The following KCNMA1 variants were observed in gnomAD, a reference collection of about 807,000 sequenced individuals.
KCNMA1 encodes potassium calcium-activated channel subfamily M alpha 1, also known as Calcium-activated potassium channel subunit alpha-1.
Under a neutral mutation model 140.0 loss-of-function variants are expected in KCNMA1, and 29 were observed. The ratio of observed to expected loss-of-function variants is 0.21; its 90% CI spans 0.15 to 0.28. The LOEUF (loss-of-function observed/expected upper bound fraction) is 0.28. Among genes scored for constraint, KCNMA1 ranks in the 10% least tolerant of loss-of-function variants. The pLI is 1.00. For missense variants in KCNMA1, 880 were observed against 1,602.2 expected (o/e 0.55, Z 7.70); for synonymous variants, 612 against 611.9 (o/e 1.00, Z 0.00).
chr10:77,097,758 T>C lies in KCNMA1; in HGVS notation c.1224-7248A>G, dbSNP rs139821722. On this transcript the variant is annotated intron_variant, in intron 9 of 27. Transcript: ENST00000286628. ...AGATAATTTCCTATCCATGGACACATCTAGTACTTTGCTAATCACAAAGGA... is the reference window on the plus strand; with the variant it reads ...AGATAATTTCCTATCCATGGACACACCTAGTACTTTGCTAATCACAAAGGA... 3.9e-5 allele frequency among the ~76,000 whole-genome samples: 6 copies of C among 152,288 alleles called. No homozygotes were observed. In the East Asian group the frequency reaches 1.2e-3, roughly 29 times the overall value.
At position 77,108,155 on chromosome 10, in the gene KCNMA1, C is replaced by T; in HGVS notation, c.1223+326G>A. 3 of 703,078 alleles carry T rather than the reference C, an allele frequency of 4.3e-6. 1 individual carries two copies. The highest frequency in any genetic ancestry group is 6.9e-6 in the Non-Finnish European group (3 of 432,898). 43.6% of individuals were successfully genotyped at this position (703,078 alleles called of 1,614,324 possible). A position where few individuals can be genotyped will look rare whatever the true frequency, so the allele number is the denominator to read the frequency against. ...CCTCGGGTCACCTCTGACATCACAC[C>T]CCATGCAGAAACTGGGCCTTCCCTC... On this transcript the variant is annotated intron_variant, in intron 9 of 27. Transcript: ENST00000286628. This position sits in a 1 kb window ranked among gnomAD's most constrained non-coding sequence, Gnocchi z 4.6.
At chr10:77,468,002 T>C (rs911181648) in intron 1 of KCNMA1, among the ~76,000 whole-genome samples, 11 of 152,318 alleles carry the variant, frequency 7.2e-5, no homozygotes, top group African/African-American at 2.6e-4. Flanking sequence ...TTTATTTTTA[T>C]TTTTATTTAT....
At chr10:77,041,161 T>TCACCATGTTGGCCAGACTGATCTCAAAC (rs1565721651) in intron 14 of KCNMA1, among the ~76,000 whole-genome samples, 40 of 2,950 alleles carry the variant, frequency 0.014, 15 homozygotes, top group Admixed American at 0.025. Flanking sequence ...CTTTTTTTTT[T>TCACCATGTTGGCCAGACTGATCTCAAAC]TTTTTTTTTT....
chr10:76,980,884 G>A (rs546043514), intron 19 of KCNMA1, among the ~76,000 whole-genome samples: 1 of 152,300 alleles, frequency 6.6e-6, no homozygotes, highest in East Asian at 1.9e-4. Context: ...AGGTCTTAAA[G>A]CCACATTGTT....
Position 77,039,644 on chromosome 10 carries a change from G to A in KCNMA1, c.1750-7C>T. On this transcript the variant is annotated splice_region_variant and splice_polypyrimidine_tract_variant and intron_variant, in intron 14 of 27. Coordinates refer to ENST00000286628, the MANE Select transcript of KCNMA1 (RefSeq NM_001161352.2). ...GCCATGTGTCTTCCTCAATCTAAAG[G>A]AAAGGAACACATGCGGAGAGTTTAA... is the stretch of plus-strand genomic sequence containing the variant. The A allele has an allele frequency of 6.5e-7, 1 of 1,539,226 alleles. No individual in the cohort carries two copies. Among genetic ancestry groups the A allele is most frequent in the Non-Finnish European group, 9.0e-7 (1 of 1,111,602 alleles).
chr10:77,393,117 C>A (rs1245445580), intron 2 of KCNMA1, among the ~76,000 whole-genome samples: 1 of 152,194 alleles, frequency 6.6e-6, no homozygotes, highest in East Asian at 1.9e-4. Flanking sequence ...GAGGACGCAG[C>A]CTGGACAAGC....
intron 5 of KCNMA1, among the ~76,000 whole-genome samples, chr10:77,151,635 T>C (rs1451857950): frequency 3.9e-5 from 6 of 152,186 alleles, no homozygotes; most frequent in Non-Finnish European, 8.8e-5. Flanking sequence ...GACTCTGGCC[T>C]CCCAGCTGGG....
At chr10:77,072,566 G>T (rs1423817488) in intron 14 of KCNMA1, among the ~76,000 whole-genome samples, 2 of 152,110 alleles carry the variant, frequency 1.3e-5, no homozygotes, top group Non-Finnish European at 2.9e-5. Flanking sequence ...TGCTGCCGAG[G>T]ACTCAGTACA....
At chr10:77,571,733 C>G (rs1466474199) in intron 1 of KCNMA1, among the ~76,000 whole-genome samples, 1 of 152,186 alleles carries the variant, frequency 6.6e-6, no homozygotes, top group Non-Finnish European at 1.5e-5. Context: ...GCTTTCAATC[C>G]TGGCTTAAAG....
chr10:76,918,396 T>A (rs962342861), intron 23 of KCNMA1, among the ~76,000 whole-genome samples: 1 of 152,214 alleles, frequency 6.6e-6, no homozygotes, highest in Non-Finnish European at 1.5e-5. Context: ...GGCTCCTGAT[T>A]CTTTAGCCAT....
chr10:77,094,700 A>G (rs1185492904), intron 9 of KCNMA1, among the ~76,000 whole-genome samples: 2 of 152,004 alleles, frequency 1.3e-5, no homozygotes, highest in Non-Finnish European at 2.9e-5. Flanking sequence ...ATTTTATATT[A>G]TATTTTATTT....
chr10:77,558,913 T>C (rs1461908853), intron 1 of KCNMA1, among the ~76,000 whole-genome samples: 1 of 152,232 alleles, frequency 6.6e-6, no homozygotes, highest in Non-Finnish European at 1.5e-5. Flanking sequence ...TGAGTCTTTC[T>C]TTAAAGTGGT....
intron 15 of KCNMA1, among the ~76,000 whole-genome samples, chr10:77,031,341 G>A (rs2093924818): frequency 6.6e-6 from 1 of 152,240 alleles, no homozygotes; most frequent in African/African-American, 2.4e-5. Flanking sequence ...CTAAAAGGGA[G>A]TGCAGCTGTG....
chr10:77,529,768 G>T (rs186649872), intron 1 of KCNMA1, among the ~76,000 whole-genome samples: 1 of 152,032 alleles, frequency 6.6e-6, no homozygotes, highest in Non-Finnish European at 1.5e-5. Context: ...AGAGTGACCA[G>T]GCCAACCAAG....
At chr10:77,301,938 C>A (rs1323752893) in intron 2 of KCNMA1, among the ~76,000 whole-genome samples, 1 of 151,454 alleles carries the variant, frequency 6.6e-6, no homozygotes, top group Non-Finnish European at 1.5e-5. Context: ...CCAACTAAAG[C>A]CAGGTGGAGT....
At chr10:77,124,090 T>C (rs1235839824) in intron 5 of KCNMA1, among the ~76,000 whole-genome samples, 1 of 152,214 alleles carries the variant, frequency 6.6e-6, no homozygotes, top group Non-Finnish European at 1.5e-5. Flanking sequence ...AGCAAAACCA[T>C]AGATAAGAGG....
intron 1 of KCNMA1, among the ~76,000 whole-genome samples, chr10:77,550,814 T>C (rs1372588530): frequency 6.6e-6 from 1 of 152,042 alleles, no homozygotes; most frequent in Non-Finnish European, 1.5e-5. Flanking sequence ...GTTGTCCAGG[T>C]GGGGGGCTAT....
chr10:76,914,644 C>T (rs546152398), intron 24 of KCNMA1: 12 of 378,932 alleles, frequency 3.2e-5, no homozygotes, highest in Non-Finnish European at 5.5e-5. Flanking sequence ...TTCCTCCTTT[C>T]CTCTCCATTC....
intron 2 of KCNMA1, among the ~76,000 whole-genome samples, chr10:77,394,367 C>T (rs2095957942): frequency 6.6e-6 from 1 of 152,212 alleles, no homozygotes; most frequent in Non-Finnish European, 1.5e-5. Context: ...GAGAGCCCAG[C>T]ACATGGCTCG....
Sources: allele counts gnomAD v4.1 joint callset (sites outside exome capture counted in the v4.1 genomes callset), GRCh38; gene constraint gnomAD v4.1.1; non-coding constraint Gnocchi (gnomAD v3.1); transcripts MANE v1.5; gene names NCBI Gene and HGNC (gene_info 2026-07-23, HGNC 2026-07-21).